STK32B: variants seen among roughly 807,000 people sequenced by gnomAD.
STK32B encodes the protein serine/threonine kinase 32B, also known as serine/threonine-protein kinase 32B.
Under a neutral mutation model 52.6 loss-of-function variants are expected in STK32B, and 43 were observed. The observed-to-expected ratio is 0.82, with a 90% CI of 0.64 to 1.05. The LOEUF is 1.05. STK32B is among the 50% of genes least tolerant of loss of function. The pLI is 0.00. For synonymous variants in STK32B, 238 were observed against 204.3 expected (o/e 1.17, Z -1.41); for missense variants, 621 against 534.6 (o/e 1.16, Z -1.59).
chr4:5,438,888 T>A (rs967440915), intron 6 of STK32B, among the ~76,000 whole-genome samples: 1 of 151,886 alleles, frequency 6.6e-6, no homozygotes, highest in Non-Finnish European at 1.5e-5. Flanking sequence ...TTACTGAGAA[T>A]GATGATTTCC....
At chr4:5,316,335 TATA>T (rs1383502507) in intron 3 of STK32B, among the ~76,000 whole-genome samples, 6 of 43,468 alleles carry the variant, frequency 1.4e-4, no homozygotes, top group Non-Finnish European at 2.0e-4. Flanking sequence ...TTATATACAA[TATA>T]ATATATTATA....
chr4:5,035,780 A>C, the STK32B span, among the ~76,000 whole-genome samples: 1 of 150,072 alleles, frequency 6.7e-6, no homozygotes, highest in Non-Finnish European at 1.5e-5. Context: ...AGGATCTGTA[A>C]ATTTTTTTTT....
intron 1 of STK32B, among the ~76,000 whole-genome samples, chr4:5,130,533 C>T (rs1420834860): frequency 6.6e-6 from 1 of 152,068 alleles, no homozygotes; most frequent in East Asian, 1.9e-4. Context: ...AAACTCAGCA[C>T]CCTGGAACCA....
chr4:5,218,979 A>G (rs918403824), intron 3 of STK32B, among the ~76,000 whole-genome samples: 2 of 152,012 alleles, frequency 1.3e-5, no homozygotes, highest in Admixed American at 6.6e-5. Context: ...CATATTCCCA[A>G]TGCTGCCCTC....
At chr4:5,459,063 A>G (rs780861860) in intron 8 of STK32B, among the ~76,000 whole-genome samples, 3 of 152,200 alleles carry the variant, frequency 2.0e-5, no homozygotes, top group Non-Finnish European at 4.4e-5. Context: ...GAACTTCCAC[A>G]TGGTATTGAA....
At chr4:5,312,792 G>A (rs187088512) in intron 3 of STK32B, among the ~76,000 whole-genome samples, 4,697 of 151,934 alleles carry the variant, frequency 0.031, 216 homozygotes, top group African/African-American at 0.11. Flanking sequence ...AGTCCTTTGG[G>A]TATATACCCA....
intron 4 of STK32B, among the ~76,000 whole-genome samples, chr4:5,379,897 A>G (rs914783321): frequency 3.9e-5 from 6 of 152,176 alleles, no homozygotes; most frequent in Admixed American, 3.9e-4. Context: ...GCTGCACTTG[A>G]TAAAACTTTG....
intron 1 of STK32B, among the ~76,000 whole-genome samples, chr4:5,071,028 A>C (rs1053141221): frequency 5.3e-5 from 8 of 152,218 alleles, no homozygotes; most frequent in African/African-American, 1.9e-4. Flanking sequence ...GAGCAATAGC[A>C]GATCATTAAA....
chr4:5,019,929 C>G, the STK32B span, among the ~76,000 whole-genome samples: 2 of 152,106 alleles, frequency 1.3e-5, no homozygotes, highest in Non-Finnish European at 2.9e-5. Flanking sequence ...CCAGGCAGCC[C>G]GCAGTGGAGC....
intron 6 of STK32B, chr4:5,436,041 G>C (rs1714045473): frequency 1.3e-5 from 2 of 152,468 alleles, no homozygotes. Context: ...ACGCAGCATG[G>C]AGCCAGGGTG....
chr4:5,478,569 T>C lies in STK32B; in HGVS notation c.1106+10499T>C, dbSNP rs138820288. Among the ~76,000 whole-genome samples the C allele has an allele frequency of 3.6e-3, 546 of 152,312 alleles. 8 individuals carry two copies. Among genetic ancestry groups the C allele is most frequent in the African/African-American group, 0.012 (515 of 41,558 alleles). On this transcript the variant is annotated intron_variant, in intron 11 of 11. Transcript: ENST00000282908. ...GGTTTAAAAGTGGAACTGCCAGTTA[T>C]ATTGAGTTTTTACTTAGAAAAGAGA...
intron 4 of STK32B, among the ~76,000 whole-genome samples, chr4:5,363,503 G>C (rs903319868): frequency 6.6e-6 from 1 of 152,186 alleles, no homozygotes; most frequent in Admixed American, 6.5e-5. Context: ...GCAGACTCCA[G>C]ACTTGGTGCC....
rs1417145788 is a variant in STK32B, at chr4:5,396,172, A to C, written c.435-2035A>C. 6.6e-6 allele frequency among the ~76,000 whole-genome samples: 1 copy of C among 152,188 alleles called. No individual in the cohort carries two copies. The highest frequency in any genetic ancestry group is 1.5e-5 in the Non-Finnish European group (1 of 68,028). On this transcript the variant is annotated intron_variant, in intron 4 of 11. Transcript: ENST00000282908. This position sits in a 1 kb window ranked among gnomAD's most constrained non-coding sequence, Gnocchi z 4.7. ...TCATAATTCCGGCCAGAAGTCCAAA[A>C]TCAAAGAGGAGTCATGGCTGTGCTT...
At chr4:5,168,181 AG>A in intron 2 of STK32B, 117 bp from the exon 3 acceptor site, 1 of 1,347,494 alleles carries the variant, frequency 7.4e-7, no homozygotes, top group South Asian at 1.5e-5. Flanking sequence ...CTCCCCTAGC[AG>A]ATTTCAAGAA....
intron 5 of STK32B, among the ~76,000 whole-genome samples, chr4:5,415,076 T>C (rs535681242): frequency 1.7e-4 from 26 of 152,314 alleles, no homozygotes; most frequent in African/African-American, 6.3e-4. Flanking sequence ...ATGAGTTTGC[T>C]TTCTTGTTGG....
intron 4 of STK32B, among the ~76,000 whole-genome samples, chr4:5,340,788 TGC>T (rs1733022875): frequency 6.6e-6 from 1 of 152,256 alleles, no homozygotes; most frequent in African/African-American, 2.4e-5. Context: ...TGTGTATATA[TGC>T]ACATGGGGTA....
At chr4:5,481,120 A>T (rs1332648076) in intron 11 of STK32B, among the ~76,000 whole-genome samples, 1 of 152,166 alleles carries the variant, frequency 6.6e-6, no homozygotes, top group African/African-American at 2.4e-5. Flanking sequence ...GCTGGGTCAA[A>T]TGTTATTTCT....
intron 4 of STK32B, among the ~76,000 whole-genome samples, chr4:5,338,049 A>G (rs554200649): frequency 6.6e-6 from 1 of 152,288 alleles, no homozygotes; most frequent in African/African-American, 2.4e-5. Context: ...TTAGATACCA[A>G]AATTATAACC....
chr4:5,498,974 A>C lies in STK32B; in HGVS notation c.1136A>C (p.Gln379Pro), dbSNP rs771663015. 1 of 1,613,704 alleles carries C rather than the reference A, an allele frequency of 6.2e-7. No homozygotes were observed. The highest frequency in any genetic ancestry group is 1.7e-5 in the Admixed American group (1 of 59,986). The change falls in exon 12 of 12, where the codon CAG (glutamine) becomes CCG (proline). Residue 379 changes from glutamine (Q) to proline (P), a missense_variant. Transcript: ENST00000282908. ...AGGAGGCAGCAGGGACAGGGCAGCCAGCTCTTGGACACCGACAGCCGAGGG... is the reference window on the plus strand; with the variant it reads ...AGGAGGCAGCAGGGACAGGGCAGCCCGCTCTTGGACACCGACAGCCGAGGG... ...KLRRQQGQGS[Q>P]LLDTDSRGGG...
Sources: gnomAD v4.1 joint callset for allele counts (sites outside exome capture counted in the v4.1 genomes callset) on GRCh38, gnomAD v4.1.1 for gene constraint, Gnocchi (gnomAD v3.1) non-coding constraint, MANE v1.5 for transcripts, NCBI Gene and HGNC (gene_info 2026-07-23, HGNC 2026-07-21) for gene names.